Variants in CNTN5 observed in about 807,000 individuals in gnomAD.
The protein encoded by CNTN5 is contactin 5, also known as contactin-5.
CNTN5 carries 77 observed loss-of-function variants against 129.1 expected under a neutral mutation model. The observed-to-expected ratio is 0.60, with a 90% CI of 0.50 to 0.72. CNTN5 has a LOEUF of 0.72. Ranked by LOEUF, CNTN5 falls within the 30% of genes least tolerant of loss-of-function variation. The pLI is 0.00. For synonymous variants in CNTN5, 509 were observed against 465.6 expected (o/e 1.09, Z -1.20); for missense variants, 1,478 against 1,328.8 (o/e 1.11, Z -1.75).
At chr11:100,264,455 C>A (rs1950259845) in intron 17 of CNTN5, among the ~76,000 whole-genome samples, 1 of 152,078 alleles carries the variant, frequency 6.6e-6, no homozygotes, top group African/African-American at 2.4e-5. Context: ...TTTTTCAGTT[C>A]CCACTTATCA....
At chr11:100,030,525 A>G (rs531485632) in intron 9 of CNTN5, among the ~76,000 whole-genome samples, 1 of 152,324 alleles carries the variant, frequency 6.6e-6, no homozygotes, top group African/African-American at 2.4e-5. Flanking sequence ...AGATATGCAC[A>G]ATCCATTGTG....
Position 100,238,970 on chromosome 11 carries a change from A to C in CNTN5, c.2005+14158A>C, listed in dbSNP as rs140354154. ...CATTTGAATACTGAACATGTCTCAG[A>C]TTGGCACGTTGATAGGCTTGGCATA... On this transcript the variant is annotated intron_variant, in intron 16 of 24. Transcript: ENST00000524871. Among the ~76,000 whole-genome samples the C allele has an allele frequency of 5.3e-3, 804 of 152,278 alleles. 2 individuals are homozygous for C. Among genetic ancestry groups the C allele is most frequent in the African/African-American group, 0.015 (641 of 41,554 alleles).
chr11:100,108,825 A>T (rs532927116), intron 13 of CNTN5, among the ~76,000 whole-genome samples: 2 of 152,234 alleles, frequency 1.3e-5, no homozygotes, highest in East Asian at 1.9e-4. Context: ...TGTATCTAGT[A>T]TATATCAAAG....
chr11:99,744,808 A>G (rs958135008), intron 3 of CNTN5, among the ~76,000 whole-genome samples: 1 of 151,890 alleles, frequency 6.6e-6, no homozygotes, highest in African/African-American at 2.4e-5. Context: ...AAAGACTGCG[A>G]CTCTTTAAGC....
At chr11:99,903,511 T>C (rs1037957025) in intron 6 of CNTN5, among the ~76,000 whole-genome samples, 27 of 152,070 alleles carry the variant, frequency 1.8e-4, no homozygotes, top group Non-Finnish European at 1.0e-4. Flanking sequence ...AAAAATCTAC[T>C]CACCAGTTAA....
At chr11:99,843,964 T>C (rs1398412496) in intron 4 of CNTN5, among the ~76,000 whole-genome samples, 1 of 152,248 alleles carries the variant, frequency 6.6e-6, no homozygotes, top group African/African-American at 2.4e-5. Flanking sequence ...ACATAACTTG[T>C]ATTATCCTCT....
At chr11:100,091,285 C>T (rs979504344) in intron 13 of CNTN5, among the ~76,000 whole-genome samples, 1 of 151,874 alleles carries the variant, frequency 6.6e-6, no homozygotes, top group South Asian at 2.1e-4. Context: ...TCAAATGTTA[C>T]CTTCTCGGAG....
At chr11:99,862,788 A>G (rs1007228728) in intron 6 of CNTN5, among the ~76,000 whole-genome samples, 4 of 152,100 alleles carry the variant, frequency 2.6e-5, no homozygotes, top group Non-Finnish European at 5.9e-5. Context: ...TCTTGCATAA[A>G]TATAATAGCT....
rs573064348 is a variant in CNTN5 at position 99,290,750 on chromosome 11, C to T, written c.-209-34596C>T. Among the ~76,000 whole-genome samples the T allele has an allele frequency of 7.2e-5, 11 of 151,826 alleles. No individual in the cohort carries two copies. The South Asian group carries it at 1.0e-3, about 14-fold the overall frequency. ...TTCAGAGTCCATCTTTTGTATACTA[C>T]GAAGATTCTTGTTATATTTCATATT... On this transcript the variant is annotated intron_variant, in intron 1 of 24. Coordinates refer to ENST00000524871, the MANE Select transcript of CNTN5 (RefSeq NM_014361.4).
intron 2 of CNTN5, among the ~76,000 whole-genome samples, chr11:99,442,412 C>T (rs904687681): frequency 4.6e-5 from 7 of 152,122 alleles, no homozygotes; most frequent in Admixed American, 6.5e-5. Flanking sequence ...TTAGGTGATC[C>T]ACCCACCTTG....
intron 21 of CNTN5, among the ~76,000 whole-genome samples, chr11:100,318,131 C>T (rs527489756): frequency 1.3e-5 from 2 of 150,428 alleles, no homozygotes; most frequent in Non-Finnish European, 2.9e-5. Context: ...GTCCCAGCTA[C>T]TCGGTAGGCT....
chr11:99,571,652 A>G (rs1052696820), intron 3 of CNTN5, among the ~76,000 whole-genome samples: 7 of 152,180 alleles, frequency 4.6e-5, no homozygotes, highest in Non-Finnish European at 8.8e-5. Flanking sequence ...TTGTAAGTCA[A>G]TGAGTAAAAG....
intron 3 of CNTN5, among the ~76,000 whole-genome samples, chr11:99,812,673 C>A (rs749696642): frequency 9.9e-5 from 15 of 152,222 alleles, no homozygotes; most frequent in Non-Finnish European, 1.6e-4. Context: ...GATTTGAATT[C>A]ATGCCATCTG....
chr11:99,711,099 A>G (rs78016060), intron 3 of CNTN5, among the ~76,000 whole-genome samples: 8,820 of 152,002 alleles, frequency 0.058, 379 homozygotes, highest in East Asian at 0.19. Flanking sequence ...AAATTTCCCG[A>G]CAGAATCGTT....
chr11:99,583,852 TC>T (rs1327852994), intron 3 of CNTN5, among the ~76,000 whole-genome samples: 1 of 152,048 alleles, frequency 6.6e-6, no homozygotes, highest in Admixed American at 6.6e-5. Context: ...TGTCTTGCAC[TC>T]CCCAGTGAGA....
At chr11:99,258,456 C>T (rs1210969835) in intron 1 of CNTN5, among the ~76,000 whole-genome samples, 2 of 151,984 alleles carry the variant, frequency 1.3e-5, no homozygotes, top group East Asian at 3.9e-4. Flanking sequence ...ATTATTGGAC[C>T]TAGTCTTACT....
At chr11:99,445,036 A>G (rs1374205430) in intron 2 of CNTN5, among the ~76,000 whole-genome samples, 1 of 148,348 alleles carries the variant, frequency 6.7e-6, no homozygotes, top group Admixed American at 6.8e-5. Context: ...GTGTGTATTT[A>G]TATATATTTA....
intron 6 of CNTN5, among the ~76,000 whole-genome samples, chr11:99,879,557 C>T (rs1347446544): frequency 6.6e-6 from 1 of 152,104 alleles, no homozygotes; most frequent in South Asian, 2.1e-4. Flanking sequence ...TTACTTCTGT[C>T]TACATCATAC....
intron 16 of CNTN5, among the ~76,000 whole-genome samples, chr11:100,232,957 TA>T (rs753547522): frequency 4.6e-5 from 7 of 152,108 alleles, no homozygotes; most frequent in Non-Finnish European, 8.8e-5. Flanking sequence ...ATAAAAACAA[TA>T]TGAAAAACGT....
Sources: allele counts gnomAD v4.1 joint callset (sites outside exome capture counted in the v4.1 genomes callset), GRCh38; gene constraint gnomAD v4.1.1; transcripts MANE v1.5; gene names NCBI Gene and HGNC (gene_info 2026-07-23, HGNC 2026-07-21).